Variants in LPIN1 observed in about 807,000 individuals in gnomAD.
LPIN1 encodes the protein phosphatidate phosphatase LPIN1.
LPIN1 carries 71 observed loss-of-function variants against 107.5 expected under a neutral mutation model. The observed-to-expected ratio is 0.66, with a 90% CI of 0.55 to 0.80. LPIN1 has a LOEUF of 0.80. Ranked by LOEUF, LPIN1 falls within the 30% of genes least tolerant of loss-of-function variation. The pLI is 0.00. For synonymous variants in LPIN1, 445 were observed against 452.6 expected (o/e 0.98, Z 0.21); for missense variants, 1,043 against 1,160.6 (o/e 0.90, Z 1.47).
At chr2:11,769,410 G>A (rs559718651) in intron 3 of LPIN1, among the ~76,000 whole-genome samples, 1 of 152,100 alleles carries the variant, frequency 6.6e-6, no homozygotes, top group Non-Finnish European at 1.5e-5. Context: ...GTGTGTGTGT[G>A]TATGTGTGTG....
chr2:11,804,193 G>A (rs1678251962), intron 15 of LPIN1, among the ~76,000 whole-genome samples: 1 of 152,130 alleles, frequency 6.6e-6, no homozygotes, highest in South Asian at 2.1e-4. Context: ...GTAGCAAGTA[G>A]GCAAGTTGCA....
upstream of LPIN1, chr2:11,746,579 G>A: frequency 1.4e-6 from 1 of 694,976 alleles, no homozygotes; most frequent in Non-Finnish European, 1.8e-6. Context: ...CTCTGCCCCC[G>A]CCCCTGCCCC....
Position 11,765,660 on chromosome 2 carries a change from A to T in LPIN1, c.119A>T (p.Asn40Ile). The T allele has an allele frequency of 6.2e-7, 1 of 1,614,116 alleles. No individual in the cohort carries two copies. The highest frequency in any genetic ancestry group is 8.5e-7 in the Non-Finnish European group (1 of 1,180,004). The change falls in exon 2 of 21, where the codon AAT becomes ATT. Residue 40 changes from asparagine (N) to isoleucine (I), a missense_variant. Transcript: ENST00000674199. The surrounding 1 kb of genome is among the most constrained non-coding windows in gnomAD (Gnocchi z 4.4). Reference sequence around the variant, plus strand: ...GACATCATTGTCATCCGCCAGCCCAATGGAAACCTCCAATGCTCCCCTTTC... The same window carrying T: ...GACATCATTGTCATCCGCCAGCCCATTGGAAACCTCCAATGCTCCCCTTTC... ...CIDIIVIRQP[N>I]GNLQCSPFHV...
intron 1 of LPIN1, among the ~76,000 whole-genome samples, chr2:11,731,878 G>T (rs1665273809): frequency 6.6e-6 from 1 of 151,658 alleles, no homozygotes; most frequent in African/African-American, 2.4e-5. Flanking sequence ...CTTTTGAGAA[G>T]TGTTTAGTCA....
chr2:11,810,519 A>C (rs1679473977), intron 17 of LPIN1, among the ~76,000 whole-genome samples: 1 of 152,070 alleles, frequency 6.6e-6, no homozygotes, highest in Non-Finnish European at 1.5e-5. Context: ...CTGGGAGGCA[A>C]CTCACCAAGC....
intron 8 of LPIN1, 135 bp from the exon 9 acceptor site, chr2:11,783,692 CTG>C: frequency 1.3e-6 from 1 of 782,084 alleles, no homozygotes; most frequent in Admixed American, 1.7e-5. Context: ...ACACTTGGAA[CTG>C]TTGTGGTTCT....
At chr2:11,703,299 A>T (rs1347459675) in intron 1 of LPIN1, among the ~76,000 whole-genome samples, 1 of 152,104 alleles carries the variant, frequency 6.6e-6, no homozygotes, top group Non-Finnish European at 1.5e-5. Flanking sequence ...TGGAGTAGGG[A>T]TAGCGTGGAT....
chr2:11,702,902 A>G (rs966829398), intron 1 of LPIN1, among the ~76,000 whole-genome samples: 1 of 138,666 alleles, frequency 7.2e-6, no homozygotes, highest in Non-Finnish European at 1.6e-5. Flanking sequence ...GAGTCTCGCC[A>G]TAGACTTGAA....
In LPIN1 at chr2:11,827,223, C is replaced by G. The variant is rs1682470199; in HGVS notation, c.*2432C>G. 6.6e-6 allele frequency: 1 copy of G among 152,588 alleles called. No homozygotes were observed. The highest frequency in any genetic ancestry group is 2.4e-5 in the African/African-American group (1 of 41,442). The allele number at this position is 152,588 out of a possible 1,614,324, so 9.5% of individuals were successfully genotyped here. On this transcript the variant is annotated 3_prime_UTR_variant, in exon 21 of 21. Coordinates refer to ENST00000674199, the MANE Select transcript of LPIN1 (RefSeq NM_001349206.2). The surrounding 1 kb of genome is among the most constrained non-coding windows in gnomAD (Gnocchi z 4.1). ...CATTGGAGAAAAATAATTACACTTT[C>G]AAAGAGAATTCCCTTTGCAATTTTA...
Position 11,678,081 on chromosome 2 carries a change from T to C in LPIN1, c.81+353T>C, listed in dbSNP as rs552478517. 1.1e-4 allele frequency among the ~76,000 whole-genome samples: 17 copies of C among 152,324 alleles called. No individual in the cohort carries two copies. The South Asian group carries it at 3.5e-3, about 32-fold the overall frequency. ...ATCAGGCACTCTGCTAGAACATCCT[T>C]GTCTGTCCAGTTTGTGTGCAGGCCA... On this transcript the variant is annotated intron_variant, in intron 1 of 21. Transcript: ENST00000449576.
chr2:11,720,834 T>C (rs773287313), upstream of LPIN1, among the ~76,000 whole-genome samples: 8 of 151,854 alleles, frequency 5.3e-5, no homozygotes, highest in Non-Finnish European at 1.2e-4. Context: ...CCGAGGATGC[T>C]GCAGCTGAGT....
rs745509329 is a variant in LPIN1 at position 11,765,511 on chromosome 2, T to TG, written c.-9-22_-9-21insG. 18 of 333,874 alleles carry TG rather than the reference T, an allele frequency of 5.4e-5. No homozygotes were observed. Among genetic ancestry groups the TG allele is most frequent in the South Asian group, 6.5e-5 (2 of 30,778 alleles). The allele number at this position is 333,874 out of a possible 1,614,324, so 20.7% of individuals were successfully genotyped here. A position where few individuals can be genotyped will look rare whatever the true frequency, so the allele number is the denominator to read the frequency against. On this transcript the variant is annotated intron_variant, in intron 1 of 20. Transcript: ENST00000674199. This position sits in a 1 kb window ranked among gnomAD's most constrained non-coding sequence, Gnocchi z 4.4. The stretch of plus-strand genomic sequence containing the variant: ...TGGATTAATTGTGTGTCTGTGTGTG[T>TG]TTTTTTTTGTCTGTTTTCCAGGTGC...
At chr2:11,755,059 G>A (rs1168785813) in intron 1 of LPIN1, among the ~76,000 whole-genome samples, 5 of 150,786 alleles carry the variant, frequency 3.3e-5, no homozygotes, top group South Asian at 2.1e-4. Flanking sequence ...TCTGCCTCCC[G>A]GGTTCACGCC....
intron 8 of LPIN1, among the ~76,000 whole-genome samples, chr2:11,783,397 A>C (rs1195423538): frequency 1.3e-5 from 2 of 152,138 alleles, no homozygotes; most frequent in Non-Finnish European, 2.9e-5. Context: ...AAGTTAACTA[A>C]CTTGATCCAG....
At chr2:11,775,162 C>A (rs546102495) in intron 5 of LPIN1, among the ~76,000 whole-genome samples, 2 of 152,062 alleles carry the variant, frequency 1.3e-5, no homozygotes, top group East Asian at 1.9e-4. Context: ...TTGGACAAGC[C>A]ACGTTTCAAG....
intron 3 of LPIN1, among the ~76,000 whole-genome samples, chr2:11,769,081 A>G (rs995767509): frequency 6.6e-6 from 1 of 152,256 alleles, no homozygotes; most frequent in Non-Finnish European, 1.5e-5. Context: ...TCTTGGTTAC[A>G]TACCTAGGAA....
At position 11,773,637 on chromosome 2, in the gene LPIN1, T is replaced by C. The variant is rs906857030; in HGVS notation, c.614T>C (p.Ile205Thr). 1.2e-6 allele frequency: 2 copies of C among 1,609,334 alleles called. No individual in the cohort carries two copies. Among genetic ancestry groups the C allele is most frequent in the African/African-American group, 1.3e-5 (1 of 74,870 alleles). The change falls in exon 5 of 21, where the codon ATA becomes ACA. Residue 205 changes from isoleucine (I) to threonine (T), a missense_variant. By Grantham distance (89) the Ile-to-Thr change is moderately conservative. Coordinates refer to ENST00000674199, the MANE Select transcript of LPIN1 (RefSeq NM_001349206.2). ...TCCTCCAGAACTCTTCCTAATGATA[T>C]ACCTCCATTCCAAGATGATATTCCT... ...LESSRTLPND[I>T]PPFQDDIPEE... is the part of the protein sequence containing the mutation.
At chr2:11,800,917 A>G (rs1281267363) in intron 14 of LPIN1, among the ~76,000 whole-genome samples, 1 of 152,158 alleles carries the variant, frequency 6.6e-6, no homozygotes, top group Admixed American at 6.5e-5. Flanking sequence ...GAGTTTGCAC[A>G]TATCTTCTTC....
chr2:11,819,321 T>TTC, intron 18 of LPIN1, 163 bp from the exon 19 acceptor site: 1 of 616,948 alleles, frequency 1.6e-6, no homozygotes, highest in Admixed American at 2.7e-5. Context: ...CGGGTTTACT[T>TTC]TCCATCTCGT....
Sources: allele counts gnomAD v4.1 joint callset (sites outside exome capture counted in the v4.1 genomes callset), GRCh38; gene constraint gnomAD v4.1.1; non-coding constraint Gnocchi (gnomAD v3.1); transcripts MANE v1.5; gene names NCBI Gene and HGNC (gene_info 2026-07-23, HGNC 2026-07-21).